ASXL1: variants seen among roughly 807,000 people sequenced by gnomAD.
The protein encoded by ASXL1 is polycomb group protein ASXL1.
A neutral mutation model predicts 89.1 loss-of-function variants in ASXL1; 65 were observed. The observed-to-expected ratio is 0.73, with a 90% CI of 0.60 to 0.90. The LOEUF is 0.90. ASXL1 is among the 40% of genes least tolerant of loss of function. The pLI is 0.00. For missense variants in ASXL1, 1,786 were observed against 1,942.9 expected (o/e 0.92, Z 1.52); for synonymous variants, 739 against 746.9 (o/e 0.99, Z 0.17).
chr20:32,392,117 A>G (rs1189429788), intron 4 of ASXL1, among the ~76,000 whole-genome samples: 2 of 151,350 alleles, frequency 1.3e-5, no homozygotes, highest in Admixed American at 1.3e-4. Flanking sequence ...GCTATTTGTT[A>G]TTTATTTATT....
At chr20:32,393,327 T>G (rs1227087604) in intron 4 of ASXL1, among the ~76,000 whole-genome samples, 4 of 152,214 alleles carry the variant, frequency 2.6e-5, no homozygotes, top group Admixed American at 1.3e-4. Flanking sequence ...CATATATTTT[T>G]ATATTTTAAA....
Position 32,438,323 on chromosome 20 carries a change from G to T in ASXL1, c.*985G>T. 4.3e-6 allele frequency: 1 copy of T among 233,508 alleles called. No homozygotes were observed. Among genetic ancestry groups the T allele is most frequent in the Non-Finnish European group, 8.5e-6 (1 of 117,946 alleles). The allele number at this position is 233,508 out of a possible 1,614,324, so 14.5% of individuals were successfully genotyped here. ...GTTGTACACAGTACTGGCTGATTCTGTAAATGGATGTATTGTACAGAGAAC... is the reference window on the plus strand; with the variant it reads ...GTTGTACACAGTACTGGCTGATTCTTTAAATGGATGTATTGTACAGAGAAC... On this transcript the variant is annotated 3_prime_UTR_variant, in exon 13 of 13. Coordinates refer to ENST00000375687, the MANE Select transcript of ASXL1 (RefSeq NM_015338.6).
chr20:32,425,741 C>T (rs1360514524), intron 4 of ASXL1, among the ~76,000 whole-genome samples: 1 of 152,122 alleles, frequency 6.6e-6, no homozygotes, highest in African/African-American at 2.4e-5. Flanking sequence ...GAGTCTGGCT[C>T]TGTCACCCAG....
chr20:32,371,935 G>C, intron 4 of ASXL1: 1 of 368,458 alleles, frequency 2.7e-6, no homozygotes, highest in Admixed American at 3.7e-5. Flanking sequence ...TACATATGCT[G>C]TAATTATATA....
At chr20:32,390,305 A>G (rs2048649685) in intron 4 of ASXL1, among the ~76,000 whole-genome samples, 1 of 152,218 alleles carries the variant, frequency 6.6e-6, no homozygotes, top group Non-Finnish European at 1.5e-5. Context: ...TCACTTTCAT[A>G]TACCATCGTA....
intron 4 of ASXL1, among the ~76,000 whole-genome samples, chr20:32,407,617 C>T (rs1027221867): frequency 6.6e-6 from 1 of 152,096 alleles, no homozygotes; most frequent in African/African-American, 2.4e-5. Flanking sequence ...ACACGTGCCA[C>T]CACTCCTGGC....
At chr20:32,380,150 C>A (rs1047730530) in intron 4 of ASXL1, among the ~76,000 whole-genome samples, 4 of 151,698 alleles carry the variant, frequency 2.6e-5, no homozygotes, top group Non-Finnish European at 5.9e-5. Context: ...GGCGTGGTGG[C>A]GGCCGCCTGT....
intron 4 of ASXL1, among the ~76,000 whole-genome samples, chr20:32,421,653 G>A (rs1403038615): frequency 6.6e-6 from 1 of 152,088 alleles, no homozygotes; most frequent in African/African-American, 2.4e-5. Flanking sequence ...TTGTATATGA[G>A]AATATTAGTC....
chr20:32,435,718 CT>C lies in ASXL1; in HGVS notation c.3007del (p.Ser1003LeufsTer21), dbSNP rs1256250560. The C allele has an allele frequency of 6.2e-7, 1 of 1,614,212 alleles. No homozygotes were observed. Among genetic ancestry groups the C allele is most frequent in the Non-Finnish European group, 8.5e-7 (1 of 1,180,042 alleles). On this transcript the variant is annotated frameshift_variant, in exon 13 of 13. Transcript: ENST00000375687. LOFTEE classifies it low-confidence loss of function (END_TRUNC). Reference sequence around the variant, plus strand: ...CTCACGGTGAGTCCACGGATACAGCCTCTGACTTTGAAGGTCACCTCACGGA... The same window carrying C: ...CTCACGGTGAGTCCACGGATACAGCCCTGACTTTGAAGGTCACCTCACGGA... ...SPHGESTDTA[S>X]DFEGHLTEDS...
chr20:32,433,541 T>C lies in ASXL1; in HGVS notation c.1343T>C (p.Leu448Pro), dbSNP rs886056599. The C allele has an allele frequency of 6.2e-7, 1 of 1,614,160 alleles. No individual in the cohort carries two copies. Among genetic ancestry groups the C allele is most frequent in the Non-Finnish European group, 8.5e-7 (1 of 1,180,030 alleles). ...AAATCTGTGGCCTCAGATGTTCCCC[T>C]CTACAAGGATGGGGAGGCTAAGACT... ...DAKSVASDVP[L>P]YKDGEAKTDP... Residue 448 changes from leucine to proline, a missense_variant, in exon 12 of 13, where the codon CTC (leucine) becomes CCC (proline). Physicochemically the swap from Leu to Pro is moderately conservative, Grantham distance 98. Transcript: ENST00000375687.
chr20:32,382,495 G>A (rs899685821), intron 4 of ASXL1, among the ~76,000 whole-genome samples: 8 of 151,424 alleles, frequency 5.3e-5, no homozygotes, highest in African/African-American at 1.9e-4. Context: ...AAGAGGCCAG[G>A]CACTGTGCCT....
chr20:32,419,793 C>T (rs543646335), intron 4 of ASXL1, among the ~76,000 whole-genome samples: 12 of 151,820 alleles, frequency 7.9e-5, no homozygotes, highest in South Asian at 6.2e-4. Flanking sequence ...AATTCTCCTG[C>T]CTCAGCCTCC....
Position 32,439,122 on chromosome 20 carries a change from G to A in ASXL1, c.*1784G>A. ...ATGCAGTATTGGCCAAGTCCAAGTT[G>A]TCAACTTAAGCGTCTGTTTACCAAA... On this transcript the variant is annotated 3_prime_UTR_variant, in exon 13 of 13. Transcript: ENST00000375687. 4.3e-6 allele frequency: 1 copy of A among 233,572 alleles called. No individual in the cohort carries two copies. The highest frequency in any genetic ancestry group is 6.0e-5 in the East Asian group (1 of 16,570). 14.5% of individuals were successfully genotyped at this position (233,572 alleles called of 1,614,324 possible).
At chr20:32,421,770 C>T (rs1252508912) in intron 4 of ASXL1, among the ~76,000 whole-genome samples, 2 of 151,796 alleles carry the variant, frequency 1.3e-5, no homozygotes, top group Non-Finnish European at 2.9e-5. Flanking sequence ...TGTATGAGTC[C>T]ATTTACATGA....
At chr20:32,381,838 G>T (rs1490618398) in intron 4 of ASXL1, among the ~76,000 whole-genome samples, 2 of 151,484 alleles carry the variant, frequency 1.3e-5, no homozygotes, top group Non-Finnish European at 2.9e-5. Flanking sequence ...TCTTAAACTT[G>T]TTAATTCTTG....
At chr20:32,366,320 T>C (rs986346224) in intron 1 of ASXL1, 64 bp from the exon 2 acceptor site, 19 of 1,394,388 alleles carry the variant, frequency 1.4e-5, no homozygotes, top group Middle Eastern at 3.6e-4. Flanking sequence ...TAGCCCATGA[T>C]ATATGGATGG....
At chr20:32,407,339 G>A (rs1334862480) in intron 4 of ASXL1, among the ~76,000 whole-genome samples, 5 of 151,638 alleles carry the variant, frequency 3.3e-5, no homozygotes, top group Non-Finnish European at 5.9e-5. Context: ...GCTAGACTCC[G>A]TCTCGGGGGG....
At position 32,429,790 on chromosome 20, in the gene ASXL1, A is replaced by G; in HGVS notation, c.566-111A>G. The G allele has an allele frequency of 7.1e-7, 1 of 1,407,796 alleles. No homozygotes were observed. Among genetic ancestry groups the G allele is most frequent in the South Asian group, 1.3e-5 (1 of 77,488 alleles). The allele number at this position is 1,407,796 out of a possible 1,614,324, so 87.2% of individuals were successfully genotyped here. On this transcript the variant is annotated intron_variant, in intron 7 of 12. Transcript: ENST00000375687. This position sits in a 1 kb window ranked among gnomAD's most constrained non-coding sequence, Gnocchi z 4.9. ...CAGCCTAAGGCTGGGAGATGGAAGC[A>G]TCCCAGTATTGCTGGCAGCATCTCA... is the stretch of plus-strand genomic sequence containing the variant.
chr20:32,368,982 A>G, intron 3 of ASXL1, 33 bp from the exon 4 acceptor site: 4 of 1,553,976 alleles, frequency 2.6e-6, no homozygotes, highest in Non-Finnish European at 3.6e-6. Flanking sequence ...GATGGATTGT[A>G]TAACCCTCAT....
Sources: gnomAD v4.1 joint callset for allele counts (sites outside exome capture counted in the v4.1 genomes callset) on GRCh38, gnomAD v4.1.1 for gene constraint, Gnocchi (gnomAD v3.1) non-coding constraint, MANE v1.5 for transcripts, NCBI Gene and HGNC (gene_info 2026-07-23, HGNC 2026-07-21) for gene names.